The following NRXN3 variants were observed in gnomAD, a reference collection of about 807,000 sequenced individuals.
The protein encoded by NRXN3 is neurexin 3.
A neutral mutation model predicts 137.6 loss-of-function variants in NRXN3; 32 were observed. The ratio of observed to expected loss-of-function variants is 0.23; its 90% CI spans 0.18 to 0.31. The LOEUF (loss-of-function observed/expected upper bound fraction) is 0.31, where lower values mean the gene tolerates loss of function less well. NRXN3 is among the 10% of genes least tolerant of loss of function. The probability of loss-of-function intolerance (pLI) is 1.00; values close to 1 mark genes in which losing one functional copy is unlikely to be tolerated. For synonymous variants in NRXN3, 798 were observed against 784.5 expected, an observed-to-expected ratio of 1.02 and a Z score of -0.29; for missense variants, 1,574 against 2,062.5, an observed-to-expected ratio of 0.76 and a Z score of 4.59.
intron 15 of NRXN3, among the ~76,000 whole-genome samples, chr14:79,161,784 G>A (rs746411410): frequency 2.0e-5 from 3 of 151,862 alleles, no homozygotes; most frequent in African/African-American, 4.8e-5. Flanking sequence ...GCTGTCCGTC[G>A]TCCTGAACGG....
chr14:78,443,252 A>G (rs1420755755), intron 4 of NRXN3, among the ~76,000 whole-genome samples: 1 of 152,192 alleles, frequency 6.6e-6, no homozygotes, highest in African/African-American at 2.4e-5. Flanking sequence ...GCTGAGAGAA[A>G]GCCCTGCTTA....
chr14:78,812,613 G>T (rs2153102505), intron 10 of NRXN3, among the ~76,000 whole-genome samples: 1 of 152,228 alleles, frequency 6.6e-6, no homozygotes, highest in East Asian at 1.9e-4. Flanking sequence ...ACCTCTGTTG[G>T]GAAGATGGTG....
At chr14:79,114,691 C>T (rs965738276) in intron 15 of NRXN3, among the ~76,000 whole-genome samples, 1 of 152,050 alleles carries the variant, frequency 6.6e-6, no homozygotes, top group African/African-American at 2.4e-5. Flanking sequence ...TTGTTGAGAA[C>T]AACCTGGTCA....
At chr14:79,734,525 TAAA>T (rs747744150) in intron 19 of NRXN3, among the ~76,000 whole-genome samples, 5 of 152,210 alleles carry the variant, frequency 3.3e-5, no homozygotes, top group Non-Finnish European at 5.9e-5. Flanking sequence ...CTCTATACAA[TAAA>T]AAATAGTTTC....
intron 8 of NRXN3, among the ~76,000 whole-genome samples, chr14:78,778,874 A>G (rs2098758161): frequency 6.8e-6 from 1 of 147,850 alleles, no homozygotes; most frequent in Non-Finnish European, 1.5e-5. Flanking sequence ...TCAAGCATTA[A>G]TGACCTATCA....
chr14:79,158,744 T>C (rs1568458292), intron 15 of NRXN3, among the ~76,000 whole-genome samples: 1 of 151,882 alleles, frequency 6.6e-6, no homozygotes, highest in Non-Finnish European at 1.5e-5. Flanking sequence ...TTTTGTAAGC[T>C]ATGATACCAG....
chr14:78,816,207 T>C (rs573581053), intron 10 of NRXN3, among the ~76,000 whole-genome samples: 98 of 152,284 alleles, frequency 6.4e-4, no homozygotes, highest in African/African-American at 2.2e-3. Context: ...TTTAAAATAG[T>C]TAATAAGATT....
At chr14:78,479,571 G>A (rs558456552) in intron 4 of NRXN3, among the ~76,000 whole-genome samples, 103 of 152,298 alleles carry the variant, frequency 6.8e-4, no homozygotes, top group Non-Finnish European at 1.0e-3. Flanking sequence ...TTATTAAAAT[G>A]CAGATTCTGG....
intron 4 of NRXN3, among the ~76,000 whole-genome samples, chr14:78,530,324 T>C (rs2096442847): frequency 6.6e-6 from 1 of 152,212 alleles, no homozygotes; most frequent in African/African-American, 2.4e-5. Flanking sequence ...CTACTCAGTT[T>C]GGGACAGGGC....
intron 10 of NRXN3, among the ~76,000 whole-genome samples, chr14:78,953,636 A>G (rs1379280074): frequency 6.6e-6 from 1 of 152,224 alleles, no homozygotes; most frequent in Non-Finnish European, 1.5e-5. Context: ...TTGCATCTTT[A>G]TTCCAGGCAT....
At chr14:78,236,176 C>T (rs968319894) in intron 1 of NRXN3, among the ~76,000 whole-genome samples, 4 of 152,178 alleles carry the variant, frequency 2.6e-5, no homozygotes, top group Non-Finnish European at 5.9e-5. Context: ...ATACAGCTCC[C>T]TTGTTGCATT....
At chr14:79,012,154 G>A (rs1046393316) in intron 15 of NRXN3, among the ~76,000 whole-genome samples, 20 of 152,292 alleles carry the variant, frequency 1.3e-4, no homozygotes, top group African/African-American at 3.8e-4. Flanking sequence ...CCTACTATGT[G>A]CTGAGCAGGT....
At chr14:78,388,523 G>A (rs371072544) in intron 4 of NRXN3, among the ~76,000 whole-genome samples, 6 of 152,186 alleles carry the variant, frequency 3.9e-5, no homozygotes, top group African/African-American at 1.2e-4. Context: ...TATGGAACAG[G>A]GGTTGGTACA....
intron 4 of NRXN3, among the ~76,000 whole-genome samples, chr14:78,602,962 G>T (rs1017285801): frequency 6.6e-6 from 1 of 152,184 alleles, no homozygotes; most frequent in Admixed American, 6.5e-5. Flanking sequence ...CTGCAGGCCT[G>T]TTCTGTGCTT....
chr14:79,628,056 A>G (rs987002632), intron 16 of NRXN3, among the ~76,000 whole-genome samples: 5 of 152,216 alleles, frequency 3.3e-5, no homozygotes, highest in Admixed American at 1.3e-4. Flanking sequence ...ATTAATAAAA[A>G]GATAAGTACT....
chr14:79,598,092 A>G (rs976385354), intron 16 of NRXN3, among the ~76,000 whole-genome samples: 7 of 152,218 alleles, frequency 4.6e-5, no homozygotes, highest in African/African-American at 1.7e-4. Context: ...TTTTTAAATC[A>G]TTATGTAGTG....
intron 4 of NRXN3, among the ~76,000 whole-genome samples, chr14:78,642,178 A>G (rs1232766303): frequency 5.3e-4 from 80 of 152,326 alleles, no homozygotes; most frequent in Non-Finnish European, 3.4e-4. Flanking sequence ...AGGGAAGATA[A>G]TGAATATTTA....
intron 6 of NRXN3, among the ~76,000 whole-genome samples, chr14:78,702,414 G>C (rs1301100807): frequency 1.3e-5 from 2 of 149,540 alleles, no homozygotes; most frequent in Non-Finnish European, 3.0e-5. Flanking sequence ...AATTGGCTTA[G>C]AAGTTATCCT....
Position 78,668,930 on chromosome 14 carries a change from A to ATCTGTCTG in NRXN3, c.1221+17628_1221+17635dup, listed in dbSNP as rs58936637. Among the ~76,000 whole-genome samples, 225 of 149,392 alleles carry ATCTGTCTG rather than the reference A, an allele frequency of 1.5e-3. 1 individual carries two copies. Among genetic ancestry groups the ATCTGTCTG allele is most frequent in the African/African-American group, 2.9e-3 (116 of 39,434 alleles). Reference sequence around the variant, plus strand: ...GCAACATATTAAACTCTATCTATCTATCTGTCTGTCTGTCTGTCTGTCTGT... The same window carrying ATCTGTCTG: ...GCAACATATTAAACTCTATCTATCTATCTGTCTGTCTGTCTGTCTGTCTGTCTGTCTGT... On this transcript the variant is annotated intron_variant, in intron 6 of 20. Transcript: ENST00000335750.
Sources: allele counts gnomAD v4.1 joint callset (sites outside exome capture counted in the v4.1 genomes callset), GRCh38; gene constraint gnomAD v4.1.1; transcripts MANE v1.5; gene names NCBI Gene and HGNC (gene_info 2026-07-23, HGNC 2026-07-21).